Variants in SVIL observed in about 807,000 individuals in gnomAD.
SVIL encodes supervillin, also known as archvillin.
In SVIL, 101 loss-of-function variants were observed where a neutral mutation model predicts 240.4. That is an observed-to-expected ratio of 0.42 (90% CI 0.36 to 0.50). The LOEUF is 0.50. Among genes scored for constraint, SVIL ranks in the 20% least tolerant of loss-of-function variants. SVIL has a pLI of 0.01. For missense variants in SVIL, 2,512 were observed against 2,818.7 expected, an observed-to-expected ratio of 0.89 and a Z score of 2.46; for synonymous variants, 999 against 1,100.0, an observed-to-expected ratio of 0.91 and a Z score of 1.82.
intron 1 of SVIL, among the ~76,000 whole-genome samples, chr10:29,594,984 G>A (rs1227709271): frequency 6.6e-6 from 1 of 152,240 alleles, no homozygotes; most frequent in Non-Finnish European, 1.5e-5. Context: ...AACCCCTGAA[G>A]GGGAGGGAAG....
rs577569759 is a variant in SVIL at position 29,470,358 on chromosome 10, G to C, written c.5761C>G (p.Leu1921Val). Residue 1921 changes from leucine to valine, a missense_variant, in exon 32 of 38, where the codon CTC (leucine) becomes GTC (valine). Physicochemically the swap from Leu to Val is conservative, Grantham distance 32 (BLOSUM62 1). Transcript: ENST00000355867. ...TTGCATCCGTGCCACAGGTAGATGA[G>C]GGCCTTGTTGACGTTAAGCACCACC... ...SMVVLNVNKA[L>V]IYLWHGCKAQ... 1 of 1,614,168 alleles carries C rather than the reference G, an allele frequency of 6.2e-7. No individual in the cohort carries two copies. The highest frequency in any genetic ancestry group is 2.2e-5 in the East Asian group (1 of 44,876).
chr10:29,653,492 C>A (rs1251300013), intron 3 of SVIL, among the ~76,000 whole-genome samples: 1 of 152,072 alleles, frequency 6.6e-6, no homozygotes, highest in Non-Finnish European at 1.5e-5. Flanking sequence ...TATAGCAATG[C>A]GAGAATGGAC....
chr10:29,644,646 G>A (rs899840032), intron 3 of SVIL, among the ~76,000 whole-genome samples: 3 of 152,122 alleles, frequency 2.0e-5, no homozygotes, highest in African/African-American at 7.2e-5. Context: ...ACTCCAGCCT[G>A]GGCGGCAGAG....
At chr10:29,585,975 A>C (rs12572627) in intron 1 of SVIL, among the ~76,000 whole-genome samples, 23,040 of 152,162 alleles carry the variant, frequency 0.15, 1,873 homozygotes, top group East Asian at 0.21. Context: ...GCTTTGGTCC[A>C]TGAGCCATAA....
At chr10:29,540,783 G>C (rs544153611) in intron 6 of SVIL, among the ~76,000 whole-genome samples, 3 of 152,308 alleles carry the variant, frequency 2.0e-5, no homozygotes, top group South Asian at 2.1e-4. Flanking sequence ...ACCGTCAGAA[G>C]AGTTACCCGA....
At chr10:29,652,676 G>C (rs1194502130) in intron 3 of SVIL, among the ~76,000 whole-genome samples, 5 of 152,122 alleles carry the variant, frequency 3.3e-5, no homozygotes, top group Non-Finnish European at 7.3e-5. Flanking sequence ...CAGTTGCTTT[G>C]GAAACACGGG....
chr10:29,497,968 G>A (rs1490946168), intron 18 of SVIL, among the ~76,000 whole-genome samples: 20 of 151,762 alleles, frequency 1.3e-4, no homozygotes, highest in African/African-American at 4.8e-4. Context: ...TGTGATCCCA[G>A]CTACTCGGGA....
intron 2 of SVIL, among the ~76,000 whole-genome samples, chr10:29,667,618 G>GA (rs1220426760): frequency 6.6e-6 from 1 of 152,124 alleles, no homozygotes; most frequent in Admixed American, 6.5e-5. Flanking sequence ...TTGGGAGGTT[G>GA]AGAGGGAAGG....
At chr10:29,676,175 T>C (rs762706921) in intron 2 of SVIL, among the ~76,000 whole-genome samples, 3 of 152,240 alleles carry the variant, frequency 2.0e-5, no homozygotes, top group Non-Finnish European at 4.4e-5. Context: ...GATTTGAGAC[T>C]GATCTCCCAT....
chr10:29,460,362 C>G (rs755071120), intron 36 of SVIL, among the ~76,000 whole-genome samples: 5 of 152,114 alleles, frequency 3.3e-5, no homozygotes, highest in Non-Finnish European at 7.3e-5. Context: ...AAGCCTGACT[C>G]TTCTCCGGCT....
Position 29,462,417 on chromosome 10 carries a change from T to A in SVIL, c.6278-16A>T, listed in dbSNP as rs777002162. On this transcript the variant is annotated splice_polypyrimidine_tract_variant and intron_variant, in intron 35 of 37. Coordinates refer to ENST00000355867, the MANE Select transcript of SVIL (RefSeq NM_021738.3). The stretch of plus-strand genomic sequence containing the variant: ...AGATTTTTTCCTGTAGTTACACAGA[T>A]TGCAATGTCAGTAGACCCCAGGGAG... 6.2e-7 allele frequency: 1 copy of A among 1,613,418 alleles called. No individual in the cohort carries two copies. The highest frequency in any genetic ancestry group is 8.5e-7 in the Non-Finnish European group (1 of 1,179,764).
chr10:29,666,032 T>C (rs1959259542), intron 2 of SVIL, among the ~76,000 whole-genome samples: 1 of 152,166 alleles, frequency 6.6e-6, no homozygotes, highest in Non-Finnish European at 1.5e-5. Context: ...CCTCCCTCCT[T>C]AGCGTCTCAA....
chr10:29,559,361 A>G (rs1954241852), intron 3 of SVIL, among the ~76,000 whole-genome samples: 1 of 150,588 alleles, frequency 6.6e-6, no homozygotes, highest in South Asian at 2.1e-4. Flanking sequence ...ATACACATAC[A>G]TATTTACATA....
chr10:29,532,410 C>T (rs545983467), intron 8 of SVIL, 119 bp downstream of exon 8: 49 of 1,445,024 alleles, frequency 3.4e-5, no homozygotes, highest in South Asian at 3.3e-4. Context: ...TCGCCCTGCA[C>T]GCACTTGTGA....
chr10:29,461,193 G>A (rs1398105864), intron 36 of SVIL, among the ~76,000 whole-genome samples: 1 of 152,154 alleles, frequency 6.6e-6, no homozygotes, highest in Non-Finnish European at 1.5e-5. Context: ...TGAGCAATAA[G>A]CCCTGGACTG....
At chr10:29,564,532 C>G (rs1404461044) in intron 2 of SVIL, among the ~76,000 whole-genome samples, 1 of 152,108 alleles carries the variant, frequency 6.6e-6, no homozygotes, top group Admixed American at 6.5e-5. Flanking sequence ...GCTGACCTTC[C>G]CCCTGTTCGG....
At chr10:29,511,975 G>A (rs1157961214) in intron 17 of SVIL, among the ~76,000 whole-genome samples, 1 of 152,198 alleles carries the variant, frequency 6.6e-6, no homozygotes, top group African/African-American at 2.4e-5. Flanking sequence ...TCTACTTGAA[G>A]ACTTCTGATC....
At chr10:29,676,005 A>T (rs1432919760) in intron 2 of SVIL, among the ~76,000 whole-genome samples, 2 of 152,194 alleles carry the variant, frequency 1.3e-5, no homozygotes, top group Non-Finnish European at 2.9e-5. Flanking sequence ...GCATCTGGGC[A>T]ATAAAACACC....
chr10:29,495,174 C>T lies in SVIL; in HGVS notation c.3672G>A (p.Ala1224=), dbSNP rs780324327. 1.8e-5 allele frequency: 27 copies of T among 1,480,248 alleles called. No individual in the cohort carries two copies. The highest frequency in any genetic ancestry group is 3.4e-5 in the South Asian group (3 of 88,322). The allele number at this position is 1,480,248 out of a possible 1,614,324, so 91.7% of individuals were successfully genotyped here. ...CTACTGGGGTTATGGCAGTAGGTGA[C>T]GCCAAACCTGTGGAACACACAGACG... The part of the protein sequence containing the change: ...VAGRMVKKGL[A]SPTAITPVAS... Residue 1224 remains alanine, a synonymous_variant, in exon 19 of 38, where the codon GCG becomes GCA. Transcript: ENST00000355867.
Sources: gnomAD v4.1 joint callset for allele counts (sites outside exome capture counted in the v4.1 genomes callset) on GRCh38, gnomAD v4.1.1 for gene constraint, MANE v1.5 for transcripts, NCBI Gene and HGNC (gene_info 2026-07-23, HGNC 2026-07-21) for gene names.